The following GALNT13 variants were observed in gnomAD, a reference collection of about 807,000 sequenced individuals.
The protein encoded by GALNT13 is polypeptide N-acetylgalactosaminyltransferase 13.
GALNT13 carries 28 observed loss-of-function variants against 64.2 expected under a neutral mutation model. That is an observed-to-expected ratio of 0.44 (90% CI 0.32 to 0.60). The LOEUF is 0.60. Ranked by LOEUF, GALNT13 falls within the 20% of genes least tolerant of loss-of-function variation. GALNT13 has a pLI of 0.05. For synonymous variants in GALNT13, 214 were observed against 224.6 expected (o/e 0.95, Z 0.42); for missense variants, 577 against 669.8 (o/e 0.86, Z 1.53).
the GALNT13 span, among the ~76,000 whole-genome samples, chr2:153,078,415 G>T: frequency 6.6e-6 from 1 of 150,548 alleles, no homozygotes; most frequent in Non-Finnish European, 1.5e-5. Flanking sequence ...GGGTTCAAGT[G>T]ATTCTCTTGC....
chr2:154,327,101 C>G (rs997233422), intron 9 of GALNT13, among the ~76,000 whole-genome samples: 1 of 152,008 alleles, frequency 6.6e-6, no homozygotes, highest in Non-Finnish European at 1.5e-5. Flanking sequence ...GCAGTTTCCC[C>G]CATGCTGTTC....
At chr2:153,474,058 T>C in the GALNT13 span, among the ~76,000 whole-genome samples, 2 of 152,208 alleles carry the variant, frequency 1.3e-5, no homozygotes, top group Admixed American at 6.5e-5. Flanking sequence ...GCTAGGTGTC[T>C]GAAATTTTGC....
intron 8 of GALNT13, chr2:154,287,012 C>T: frequency 1.7e-6 from 1 of 605,026 alleles, no homozygotes; most frequent in Admixed American, 2.3e-5. Flanking sequence ...GAACTGATCA[C>T]CCAAAGAGAG....
intron 4 of GALNT13, among the ~76,000 whole-genome samples, chr2:154,227,751 C>G (rs993341508): frequency 2.0e-5 from 3 of 151,862 alleles, no homozygotes; most frequent in African/African-American, 7.3e-5. Context: ...CTGGTTGTGG[C>G]CTTCATTCTA....
At chr2:153,435,835 A>T in the GALNT13 span, among the ~76,000 whole-genome samples, 1 of 151,920 alleles carries the variant, frequency 6.6e-6, no homozygotes, top group African/African-American at 2.4e-5. Flanking sequence ...CTCCTGCCTG[A>T]TTGCCCTGGC....
Position 154,355,403 on chromosome 2 carries a change from A to G in GALNT13, c.1157-40588A>G, listed in dbSNP as rs542541905. Among the ~76,000 whole-genome samples, 5 of 152,264 alleles carry G rather than the reference A, an allele frequency of 3.3e-5. 1 individual carries two copies. The highest frequency in any genetic ancestry group is 1.2e-4 in the African/African-American group (5 of 41,562). On this transcript the variant is annotated intron_variant, in intron 9 of 12. Transcript: ENST00000392825. ...CAATCTAATCCTTCCTTGAATATGC[A>G]AGATATGAGTTCTTAAATAGTTTTA...
At chr2:153,843,761 A>G in the GALNT13 span, among the ~76,000 whole-genome samples, 1 of 152,170 alleles carries the variant, frequency 6.6e-6, no homozygotes, top group Non-Finnish European at 1.5e-5. Context: ...TAAACATCCC[A>G]TTCCCAAAGT....
At chr2:153,375,796 A>G in the GALNT13 span, among the ~76,000 whole-genome samples, 1 of 152,140 alleles carries the variant, frequency 6.6e-6, no homozygotes, top group South Asian at 2.1e-4. Flanking sequence ...CATTTTGTCC[A>G]TAGGTATTTC....
the GALNT13 span, among the ~76,000 whole-genome samples, chr2:153,861,957 C>T: frequency 3.9e-5 from 6 of 152,196 alleles, no homozygotes; most frequent in East Asian, 7.7e-4. Flanking sequence ...TGGTGGCTCA[C>T]GTGGTTTGCA....
At chr2:153,345,705 CTTT>C in the GALNT13 span, among the ~76,000 whole-genome samples, 11 of 89,084 alleles carry the variant, frequency 1.2e-4, 1 homozygote, top group East Asian at 1.6e-3. Context: ...CTTTCTTTCT[CTTT>C]CTCTCTTTCT....
In GALNT13 at chr2:154,356,215, T is replaced by C. The variant is rs115341062; in HGVS notation, c.1157-39776T>C. ...TTCCTATTAATCAAGTTAATTTAAA[T>C]CTAACTGCTAAGTAGGTTTTCCTTA... On this transcript the variant is annotated intron_variant, in intron 9 of 12. Transcript: ENST00000392825. 2.4e-3 allele frequency among the ~76,000 whole-genome samples: 367 copies of C among 152,124 alleles called. 1 individual carries two copies. Among genetic ancestry groups the C allele is most frequent in the African/African-American group, 7.8e-3 (325 of 41,558 alleles).
the GALNT13 span, among the ~76,000 whole-genome samples, chr2:153,624,824 AC>A: frequency 2.0e-5 from 3 of 148,576 alleles, no homozygotes; most frequent in Admixed American, 2.0e-4. Context: ...AAACTGGAAA[AC>A]TGTTTTTATA....
the GALNT13 span, among the ~76,000 whole-genome samples, chr2:153,646,009 T>G: frequency 6.6e-6 from 1 of 152,106 alleles, no homozygotes; most frequent in South Asian, 2.1e-4. Context: ...GACCCCTGTT[T>G]TGTGAGGTAT....
chr2:153,785,567 T>TGCAGTG, the GALNT13 span, among the ~76,000 whole-genome samples: 1 of 152,156 alleles, frequency 6.6e-6, no homozygotes, highest in African/African-American at 2.4e-5. Flanking sequence ...CTACCAGCAC[T>TGCAGTG]GCAGTGGCAG....
At chr2:154,446,796 T>G in intron 12 of GALNT13, 1 of 1,460,902 alleles carries the variant, frequency 6.8e-7, no homozygotes, top group Non-Finnish European at 9.1e-7. Context: ...TAAATTTATT[T>G]TAGCATTTTT....
At chr2:154,336,176 G>T (rs1469371662) in intron 9 of GALNT13, among the ~76,000 whole-genome samples, 4 of 152,024 alleles carry the variant, frequency 2.6e-5, no homozygotes, top group African/African-American at 9.7e-5. Context: ...TCCTTGCTTT[G>T]TTTGGGATTA....
chr2:153,276,566 A>G, the GALNT13 span, among the ~76,000 whole-genome samples: 1 of 152,146 alleles, frequency 6.6e-6, no homozygotes, highest in African/African-American at 2.4e-5. Flanking sequence ...ATGCCCATGT[A>G]TAAACACAAT....
At chr2:153,332,843 A>G in the GALNT13 span, among the ~76,000 whole-genome samples, 1 of 152,196 alleles carries the variant, frequency 6.6e-6, no homozygotes, top group Non-Finnish European at 1.5e-5. Context: ...AGACAGCCCC[A>G]ATGTACCATG....
the GALNT13 span, among the ~76,000 whole-genome samples, chr2:153,618,757 T>C: frequency 6.6e-6 from 1 of 152,014 alleles, no homozygotes; most frequent in Admixed American, 6.6e-5. Flanking sequence ...TTGACCCTTT[T>C]ATTATTGTAT....
Sources: gnomAD v4.1 joint callset for allele counts (sites outside exome capture counted in the v4.1 genomes callset) on GRCh38, gnomAD v4.1.1 for gene constraint, MANE v1.5 for transcripts, NCBI Gene and HGNC (gene_info 2026-07-23, HGNC 2026-07-21) for gene names.